The following TRIM42 variants were observed in gnomAD, a reference collection of about 807,000 sequenced individuals.
TRIM42 encodes the protein tripartite motif containing 42, also known as tripartite motif-containing protein 42.
In TRIM42, 59 loss-of-function variants were observed where a neutral mutation model predicts 64.9. That is an observed-to-expected ratio of 0.91 (90% CI 0.74 to 1.13). TRIM42 has a LOEUF of 1.13. TRIM42 is among the 50% of genes most tolerant of loss of function. TRIM42 has a pLI of 0.00. For synonymous variants in TRIM42, 354 were observed against 346.3 expected (o/e 1.02, Z -0.25); for missense variants, 878 against 929.5 (o/e 0.94, Z 0.72).
rs533495308 is a variant in TRIM42 at position 140,692,984 on chromosome 3, G to A, written c.2085+1792G>A. On this transcript the variant is annotated intron_variant, in intron 4 of 4. Coordinates refer to ENST00000286349, the MANE Select transcript of TRIM42 (RefSeq NM_152616.5). ...CTTTTCTTAGGTAGAGGCTTTTGTTGCCCTTCTGAAATTATGGACTCCTTG... is the reference window on the plus strand; with the variant it reads ...CTTTTCTTAGGTAGAGGCTTTTGTTACCCTTCTGAAATTATGGACTCCTTG... 3.9e-5 allele frequency among the ~76,000 whole-genome samples: 6 copies of A among 152,228 alleles called. No homozygotes were observed. The South Asian group carries it at 1.2e-3, about 32-fold the overall frequency.
intron 1 of TRIM42, among the ~76,000 whole-genome samples, chr3:140,680,357 T>C (rs2047563): frequency 0.48 from 72,974 of 151,676 alleles, 18,559 homozygotes; most frequent in Non-Finnish European, 0.58. Flanking sequence ...TCTGGTCTCA[T>C]TCATCCCTCT....
rs150895477 is a variant in TRIM42, at chr3:140,687,984, G to A, written c.1302G>A (p.Leu434=). Residue 434 remains leucine, a synonymous_variant, in exon 3 of 5, where the codon CTG becomes CTA. Transcript: ENST00000286349. ...TGATCGCCTACTCCAAGGAAGCCCT[G>A]AAGGAGACTGGCCAGGTGGCATTCC... The part of the protein sequence containing the change: ...DGLIAYSKEA[L]KETGQVAFLQ... The A allele has an allele frequency of 7.4e-6, 12 of 1,614,218 alleles. No individual in the cohort carries two copies. In the East Asian group the frequency reaches 2.5e-4, roughly 33 times the overall value.
In TRIM42 at chr3:140,681,867, T is replaced by TAA. The variant is rs11369639; in HGVS notation, c.342-583_342-582dup. Among the ~76,000 whole-genome samples, 541 of 144,566 alleles carry TAA rather than the reference T, an allele frequency of 3.7e-3. 4 individuals are homozygous for TAA. Among genetic ancestry groups the TAA allele is most frequent in the East Asian group, 8.6e-3 (43 of 5,000 alleles). 94.8% of individuals were successfully genotyped at this position (144,566 alleles called of 152,430 possible). A position where few individuals can be genotyped will look rare whatever the true frequency, so the allele number is the denominator to read the frequency against. ...AAGAACAGAGTGACCCAAAAGTTGT[T>TAA]AAAAAAAAAAAAATCAACTAGGTTT... On this transcript the variant is annotated intron_variant, in intron 1 of 4. Coordinates refer to ENST00000286349, the MANE Select transcript of TRIM42 (RefSeq NM_152616.5).
intron 1 of TRIM42, chr3:140,680,671 A>G (rs907195691): frequency 1.2e-4 from 116 of 985,296 alleles, no homozygotes; most frequent in Non-Finnish European, 3.0e-5. Flanking sequence ...TGATCCCTTC[A>G]GGACCCATGC....
intron 1 of TRIM42, among the ~76,000 whole-genome samples, chr3:140,679,347 C>T (rs775897397): frequency 2.0e-5 from 3 of 152,136 alleles, no homozygotes; most frequent in Non-Finnish European, 4.4e-5. Flanking sequence ...ATTATCCTCA[C>T]CTGCTCTACC....
intron 1 of TRIM42, 79 bp downstream of exon 1, chr3:140,678,649 G>T: frequency 8.1e-7 from 1 of 1,233,906 alleles, no homozygotes; most frequent in East Asian, 2.5e-5. Flanking sequence ...AAGTCTACAG[G>T]GCAGGCCAGT....
rs1373669382 is a variant in TRIM42 at position 140,688,326 on chromosome 3, G to A, written c.1644G>A (p.Lys548=). 5 of 1,614,212 alleles carry A rather than the reference G, an allele frequency of 3.1e-6. No homozygotes were observed. Among genetic ancestry groups the A allele is most frequent in the Non-Finnish European group, 4.2e-6 (5 of 1,180,036 alleles). The change falls in exon 3 of 5, where the codon AAG becomes AAA. Residue 548 remains lysine, a synonymous_variant. Coordinates refer to ENST00000286349, the MANE Select transcript of TRIM42 (RefSeq NM_152616.5). ...SMLSFSNTDK[K]AKVGLEACGR... ...TGTCCTTCAGCAACACTGACAAGAAGGCCAAGGTGGGTCTGGAGGCCTGTG... is the reference window on the plus strand; with the variant it reads ...TGTCCTTCAGCAACACTGACAAGAAAGCCAAGGTGGGTCTGGAGGCCTGTG...
At chr3:140,688,723 A>T (rs1988632442) in intron 3 of TRIM42, among the ~76,000 whole-genome samples, 181 bp downstream of exon 3, 1 of 152,218 alleles carries the variant, frequency 6.6e-6, no homozygotes, top group Admixed American at 6.5e-5. Flanking sequence ...AATCTTAAGT[A>T]ACCCAAAATT....
chr3:140,683,083 C>G lies in TRIM42; in HGVS notation c.963C>G (p.His321Gln), dbSNP rs973883247. 1 of 1,614,086 alleles carries G rather than the reference C, an allele frequency of 6.2e-7. No individual in the cohort carries two copies. Among genetic ancestry groups the G allele is most frequent in the East Asian group, 2.2e-5 (1 of 44,900 alleles). The change falls in exon 2 of 5, where the codon CAC becomes CAG. Residue 321 changes from histidine (H) to glutamine (Q), a missense_variant. His to Gln is a conservative substitution (Grantham distance 24). Transcript: ENST00000286349. ...TFCKFSFHNG[H>Q]DTISLIDACS... ...GCAAGTTCTCTTTCCACAATGGCCA[C>G]GACACCATTAGCCTCATCGACGCCT... is the stretch of plus-strand genomic sequence containing the variant.
intron 1 of TRIM42, among the ~76,000 whole-genome samples, chr3:140,679,628 G>A (rs1387563746): frequency 6.6e-6 from 1 of 152,142 alleles, no homozygotes; most frequent in Non-Finnish European, 1.5e-5. Flanking sequence ...CATAGTGTTT[G>A]CATAAATAGG....
chr3:140,680,786 A>G, intron 1 of TRIM42: 6 of 768,348 alleles, frequency 7.8e-6, no homozygotes, highest in Non-Finnish European at 9.5e-6. Flanking sequence ...GCCTTAATAT[A>G]CACAGGGAGC....
chr3:140,678,220 T>A lies in TRIM42; in HGVS notation c.-10T>A, dbSNP rs757986577. 9 of 1,611,076 alleles carry A rather than the reference T, an allele frequency of 5.6e-6. No homozygotes were observed. Among genetic ancestry groups the A allele is most frequent in the Non-Finnish European group, 7.6e-6 (9 of 1,177,576 alleles). ...AGTCCTGGGAGGCCGGTGGTAATCA[T>A]GTAGGCACCATGGAAACTGCTATGT... On this transcript the variant is annotated 5_prime_UTR_variant, in exon 1 of 5. It removes an upstream start codon present in the reference 5' UTR. Coordinates refer to ENST00000286349, the MANE Select transcript of TRIM42 (RefSeq NM_152616.5).
rs556882539 is a variant in TRIM42 at position 140,679,701 on chromosome 3, CCT to C, written c.341+1137_341+1138del. ...AAACATGGAAAATTGTGTCCACACTCCTCTCTCAACTACCTGTTGTTCAGTTG... is the reference window on the plus strand; with the variant it reads ...AAACATGGAAAATTGTGTCCACACTCCTCTCAACTACCTGTTGTTCAGTTG... On this transcript the variant is annotated intron_variant, in intron 1 of 4. Coordinates refer to ENST00000286349, the MANE Select transcript of TRIM42 (RefSeq NM_152616.5). Among the ~76,000 whole-genome samples the C allele has an allele frequency of 1.6e-3, 245 of 152,224 alleles. 1 individual carries two copies. The highest frequency in any genetic ancestry group is 2.4e-3 in the Non-Finnish European group (165 of 68,012).
rs990767262 is a variant in TRIM42 at position 140,685,408 on chromosome 3, T to C, written c.1039+2249T>C. Among the ~76,000 whole-genome samples the C allele has an allele frequency of 2.0e-5, 3 of 152,128 alleles. No individual in the cohort carries two copies. The South Asian group carries it at 6.2e-4, about 31-fold the overall frequency. On this transcript the variant is annotated intron_variant, in intron 2 of 4. Coordinates refer to ENST00000286349, the MANE Select transcript of TRIM42 (RefSeq NM_152616.5). ...CGAGAACCACTGAAATAAAGGGAGC[T>C]CAAAAGTTTAGGTCCCTGCCACTCA...
chr3:140,679,655 G>A lies in TRIM42; in HGVS notation c.341+1085G>A, dbSNP rs60468444. On this transcript the variant is annotated intron_variant, in intron 1 of 4. Transcript: ENST00000286349. The stretch of plus-strand genomic sequence containing the variant: ...ATAAATAGGAAATCCAGGGATTCTC[G>A]ATGCAAGTCTAGAAATCCTAAAACA... Among the ~76,000 whole-genome samples, 52 of 152,186 alleles carry A rather than the reference G, an allele frequency of 3.4e-4. No homozygotes were observed. The East Asian group carries it at 9.9e-3, about 29-fold the overall frequency.
intron 4 of TRIM42, among the ~76,000 whole-genome samples, chr3:140,693,951 T>C (rs1168677439): frequency 6.6e-6 from 1 of 152,206 alleles, no homozygotes; most frequent in Admixed American, 6.5e-5. Context: ...ATTGCTTCCA[T>C]TTTACAGATA....
chr3:140,679,543 GA>G (rs1178443874), intron 1 of TRIM42, among the ~76,000 whole-genome samples: 5 of 152,210 alleles, frequency 3.3e-5, no homozygotes, highest in Admixed American at 6.5e-5. Context: ...GAATTCAGGG[GA>G]AAGATATTAT....
rs1248154595 is a variant in TRIM42 at position 140,678,123 on chromosome 3, G to T, written c.-107G>T. 1 of 1,034,738 alleles carries T rather than the reference G, an allele frequency of 9.7e-7. No individual in the cohort carries two copies. The highest frequency in any genetic ancestry group is 1.6e-5 in the African/African-American group (1 of 62,722). The allele number at this position is 1,034,738 out of a possible 1,614,324, so 64.1% of individuals were successfully genotyped here. ...ACTTCTTGCAACTTTCAAGCTGACG[G>T]CCTCAGGAATGGGAGGAAGGACTCC... On this transcript the variant is annotated 5_prime_UTR_variant, in exon 1 of 5. Coordinates refer to ENST00000286349, the MANE Select transcript of TRIM42 (RefSeq NM_152616.5).
chr3:140,687,164 C>T (rs1015689886), intron 2 of TRIM42, among the ~76,000 whole-genome samples: 1 of 151,946 alleles, frequency 6.6e-6, no homozygotes, highest in Non-Finnish European at 1.5e-5. Context: ...AGCTGAACCA[C>T]AAGAGGGACA....
Sources: allele counts gnomAD v4.1 joint callset (sites outside exome capture counted in the v4.1 genomes callset), GRCh38; gene constraint gnomAD v4.1.1; transcripts MANE v1.5; gene names NCBI Gene and HGNC (gene_info 2026-07-23, HGNC 2026-07-21).